Variants in PRKCA observed in about 807,000 individuals in gnomAD.
PRKCA encodes protein kinase C alpha.
PRKCA carries 27 observed loss-of-function variants against 87.0 expected under a neutral mutation model. The ratio of observed to expected loss-of-function variants is 0.31; its 90% CI spans 0.23 to 0.43. The LOEUF is 0.43. PRKCA is among the 20% of genes least tolerant of loss of function. PRKCA has a pLI of 1.00. For synonymous variants in PRKCA, 329 were observed against 311.1 expected (o/e 1.06, Z -0.61); for missense variants, 518 against 852.3 (o/e 0.61, Z 4.88).
At chr17:66,625,177 A>G (rs1213788104) in intron 3 of PRKCA, among the ~76,000 whole-genome samples, 1 of 152,254 alleles carries the variant, frequency 6.6e-6, no homozygotes. Context: ...ATGATATTAC[A>G]TTGGTTTGGC....
At chr17:66,442,450 A>T (rs547575157) in intron 2 of PRKCA, among the ~76,000 whole-genome samples, 1 of 151,900 alleles carries the variant, frequency 6.6e-6, no homozygotes, top group Admixed American at 6.6e-5. Context: ...TTTCCACTTC[A>T]GAGAGTGATC....
intron 14 of PRKCA, chr17:66,775,777 T>C: frequency 1.0e-6 from 1 of 983,446 alleles, no homozygotes; most frequent in South Asian, 4.7e-5. Flanking sequence ...CACTGAATGC[T>C]TACAATGTGC....
intron 13 of PRKCA, among the ~76,000 whole-genome samples, chr17:66,767,856 G>A (rs886190060): frequency 2.6e-5 from 4 of 152,186 alleles, no homozygotes. Flanking sequence ...CACATGGGCT[G>A]TTTGGGGAAT....
At chr17:66,532,819 C>T (rs1023694505) in intron 3 of PRKCA, among the ~76,000 whole-genome samples, 1 of 152,230 alleles carries the variant, frequency 6.6e-6, no homozygotes, top group Non-Finnish European at 1.5e-5. Context: ...TGCTGCCTCT[C>T]CTGAACATGG....
intron 2 of PRKCA, among the ~76,000 whole-genome samples, chr17:66,419,633 G>T (rs1359320743): frequency 6.6e-6 from 1 of 152,002 alleles, no homozygotes; most frequent in Non-Finnish European, 1.5e-5. Context: ...GTCACTTGAT[G>T]TGAATTATAT....
chr17:66,672,509 G>C (rs1436156573), intron 5 of PRKCA, among the ~76,000 whole-genome samples: 2 of 152,178 alleles, frequency 1.3e-5, no homozygotes, highest in African/African-American at 2.4e-5. Context: ...CATCCTTTAA[G>C]CTACTTCCAA....
intron 13 of PRKCA, among the ~76,000 whole-genome samples, chr17:66,752,712 G>T (rs1448814176): frequency 1.3e-5 from 2 of 152,212 alleles, no homozygotes; most frequent in Non-Finnish European, 2.9e-5. Flanking sequence ...GGGCTGGAGG[G>T]CCCAAGGTAT....
At chr17:66,383,264 T>A (rs532978099) in intron 2 of PRKCA, among the ~76,000 whole-genome samples, 5 of 152,340 alleles carry the variant, frequency 3.3e-5, no homozygotes, top group Middle Eastern at 3.4e-3. Context: ...GTGAATTTTT[T>A]ATGATTCTCG....
At chr17:66,414,736 C>G (rs551935303) in intron 2 of PRKCA, among the ~76,000 whole-genome samples, 10 of 152,250 alleles carry the variant, frequency 6.6e-5, no homozygotes, top group African/African-American at 2.4e-4. Flanking sequence ...ATGTTATAGT[C>G]TGGTGAACGC....
intron 2 of PRKCA, among the ~76,000 whole-genome samples, chr17:66,372,109 A>G (rs939905270): frequency 4.6e-5 from 7 of 152,278 alleles, no homozygotes; most frequent in African/African-American, 1.7e-4. Context: ...CATGTATATG[A>G]GTCTCGTGGG....
At position 66,614,352 on chromosome 17, in the gene PRKCA, A is replaced by G. The variant is rs1226071978; in HGVS notation, c.289-27003A>G. On this transcript the variant is annotated intron_variant, in intron 3 of 16. Coordinates refer to ENST00000413366, the MANE Select transcript of PRKCA (RefSeq NM_002737.3). ...TTCCGGAAGGACTCTAAAAATCCAG[A>G]TGGAAATTGATATTTTTGAGGCATC... 2.6e-5 allele frequency among the ~76,000 whole-genome samples: 4 copies of G among 152,204 alleles called. 1 individual carries two copies. Among genetic ancestry groups the G allele is most frequent in the African/African-American group, 9.6e-5 (4 of 41,456 alleles).
intron 2 of PRKCA, among the ~76,000 whole-genome samples, chr17:66,426,156 T>A (rs2143812673): frequency 1.3e-5 from 2 of 151,952 alleles, no homozygotes; most frequent in South Asian, 4.2e-4. Flanking sequence ...GAAGCAAGAG[T>A]GAAAGTCTAG....
chr17:66,588,054 C>T (rs1489943170), intron 3 of PRKCA, among the ~76,000 whole-genome samples: 1 of 151,802 alleles, frequency 6.6e-6, no homozygotes, highest in Admixed American at 6.6e-5. Context: ...GCAACTTGCT[C>T]TGCAAAGTGT....
intron 3 of PRKCA, among the ~76,000 whole-genome samples, chr17:66,530,152 G>A (rs963484080): frequency 3.9e-5 from 6 of 152,138 alleles, no homozygotes; most frequent in Non-Finnish European, 5.9e-5. Flanking sequence ...AATCCTTATC[G>A]TCTTGAAGTT....
intron 8 of PRKCA, among the ~76,000 whole-genome samples, chr17:66,694,932 C>T (rs766915581): frequency 9.2e-5 from 14 of 152,032 alleles, no homozygotes; most frequent in Non-Finnish European, 1.8e-4. Flanking sequence ...TTCCCTGAGC[C>T]TACTTGGGCT....
intron 3 of PRKCA, among the ~76,000 whole-genome samples, chr17:66,616,840 G>C (rs1404409289): frequency 6.6e-6 from 1 of 151,902 alleles, no homozygotes; most frequent in African/African-American, 2.4e-5. Context: ...AGGAGGGAGA[G>C]GGGGCTGGGG....
intron 8 of PRKCA, among the ~76,000 whole-genome samples, chr17:66,714,749 G>T (rs1193120411): frequency 6.6e-6 from 1 of 152,170 alleles, no homozygotes; most frequent in African/African-American, 2.4e-5. Flanking sequence ...AGAGAAGTGT[G>T]CAGTGCCTTT....
intron 2 of PRKCA, among the ~76,000 whole-genome samples, chr17:66,380,901 G>C (rs1909740260): frequency 6.6e-6 from 1 of 150,954 alleles, no homozygotes; most frequent in Non-Finnish European, 1.5e-5. Context: ...ATTTACATTT[G>C]TTCCTTATAA....
chr17:66,457,533 TC>T (rs1292019927), intron 2 of PRKCA, among the ~76,000 whole-genome samples: 1 of 152,112 alleles, frequency 6.6e-6, no homozygotes, highest in East Asian at 1.9e-4. Context: ...TTTGGCTGTG[TC>T]CCCACCCAAA....
Sources: allele counts gnomAD v4.1 joint callset (sites outside exome capture counted in the v4.1 genomes callset), GRCh38; gene constraint gnomAD v4.1.1; transcripts MANE v1.5; gene names NCBI Gene and HGNC (gene_info 2026-07-23, HGNC 2026-07-21).